The following CNTNAP2 variants were observed in gnomAD, a reference collection of about 807,000 sequenced individuals.
CNTNAP2 encodes the protein contactin-associated protein-like 2.
CNTNAP2 carries 98 observed loss-of-function variants against 155.2 expected under a neutral mutation model. The ratio of observed to expected loss-of-function variants is 0.63; its 90% confidence interval spans 0.54 to 0.75. The LOEUF is 0.75. Among genes scored for constraint, CNTNAP2 ranks in the 30% least tolerant of loss-of-function variants. The probability of loss-of-function intolerance (pLI) is 0.00; values close to 1 mark genes in which losing one functional copy is unlikely to be tolerated. For synonymous variants in CNTNAP2, 651 were observed against 631.2 expected, an observed-to-expected ratio of 1.03 and a Z score of -0.47; for missense variants, 1,727 against 1,688.1, an observed-to-expected ratio of 1.02 and a Z score of -0.40.
At chr7:146,416,891 AAATAC>A (rs1182829709) in intron 1 of CNTNAP2, among the ~76,000 whole-genome samples, 2 of 152,148 alleles carry the variant, frequency 1.3e-5, no homozygotes, top group South Asian at 2.1e-4. Context: ...TATGCACTAA[AAATAC>A]AATACAATAA....
chr7:146,265,164 CAT>C lies in CNTNAP2; in HGVS notation c.97+148194_97+148195del, dbSNP rs753438394. On this transcript the variant is annotated intron_variant, in intron 1 of 23. Coordinates refer to ENST00000361727, the MANE Select transcript of CNTNAP2 (RefSeq NM_014141.6). ...TATAACGCTCGTATTACATATATCT[CAT>C]ATTACCATGTTATATAACTATCATA... 9.9e-4 allele frequency among the ~76,000 whole-genome samples: 150 copies of C among 152,248 alleles called. 1 individual carries two copies. In the Middle Eastern group the frequency reaches 0.01, roughly 10 times the overall value.
At chr7:147,046,950 T>C (rs1372483633) in intron 4 of CNTNAP2, among the ~76,000 whole-genome samples, 1 of 142,890 alleles carries the variant, frequency 7.0e-6, no homozygotes, top group Non-Finnish European at 1.5e-5. Context: ...GAGAATGGCG[T>C]GAACCCGGGA....
chr7:147,919,459 C>CTTTCTTTTTTTTTTTTGTT (rs58537091), intron 14 of CNTNAP2, among the ~76,000 whole-genome samples: 1 of 51,240 alleles, frequency 2.0e-5, no homozygotes, highest in Non-Finnish European at 3.3e-5. Flanking sequence ...CTTTTTCTTT[C>CTTTCTTTTTTTTTTTTGTT]TTTTTTTTTT....
chr7:146,336,519 C>T lies in CNTNAP2; in HGVS notation c.97+219546C>T, dbSNP rs142702946. ...GCTGACATGTTCTTAGACATGATAC[C>T]GAAAGCATAATCCATAAAGGAAAAA... On this transcript the variant is annotated intron_variant, in intron 1 of 23. Transcript: ENST00000361727. 3.0e-3 allele frequency among the ~76,000 whole-genome samples: 450 copies of T among 149,170 alleles called. 3 individuals are homozygous for T. The highest frequency in any genetic ancestry group is 4.9e-3 in the Non-Finnish European group (333 of 67,790).
chr7:148,324,671 G>A (rs1015760403), intron 21 of CNTNAP2, among the ~76,000 whole-genome samples: 3 of 151,750 alleles, frequency 2.0e-5, no homozygotes, highest in Admixed American at 1.3e-4. Flanking sequence ...GGTGGCGGGT[G>A]CCTGTAATCC....
intron 1 of CNTNAP2, among the ~76,000 whole-genome samples, chr7:146,390,924 G>A (rs1428955843): frequency 1.3e-5 from 2 of 149,068 alleles, no homozygotes; most frequent in African/African-American, 4.9e-5. Context: ...AAAATTAGCC[G>A]GACACGGTGG....
intron 17 of CNTNAP2, 72 bp from the exon 18 acceptor site, chr7:148,172,170 G>A: frequency 6.8e-7 from 1 of 1,460,274 alleles, no homozygotes; most frequent in South Asian, 1.1e-5. Flanking sequence ...TACCACAGTT[G>A]TTCAAAATAT....
At chr7:147,158,115 C>T (rs1257740246) in intron 8 of CNTNAP2, among the ~76,000 whole-genome samples, 1 of 152,056 alleles carries the variant, frequency 6.6e-6, no homozygotes, top group African/African-American at 2.4e-5. Flanking sequence ...CTGACATTGT[C>T]TTCTGTTTCC....
At chr7:148,165,476 T>C (rs1467945959) in intron 17 of CNTNAP2, among the ~76,000 whole-genome samples, 1 of 152,204 alleles carries the variant, frequency 6.6e-6, no homozygotes, top group Non-Finnish European at 1.5e-5. Context: ...ATCTCAGCCA[T>C]ATTTAATTTA....
intron 1 of CNTNAP2, among the ~76,000 whole-genome samples, chr7:146,387,643 A>C (rs893353030): frequency 1.3e-5 from 2 of 152,292 alleles, no homozygotes; most frequent in South Asian, 4.1e-4. Flanking sequence ...ACCCTACTGC[A>C]TAGTAGATGG....
intron 13 of CNTNAP2, among the ~76,000 whole-genome samples, chr7:147,882,694 T>G (rs567356281): frequency 6.6e-6 from 1 of 152,304 alleles, no homozygotes; most frequent in East Asian, 1.9e-4. Context: ...GGTTATGCCA[T>G]GTACCTCTAT....
At chr7:148,214,331 T>C (rs1795600883) in intron 18 of CNTNAP2, among the ~76,000 whole-genome samples, 3 of 152,176 alleles carry the variant, frequency 2.0e-5, no homozygotes, top group Admixed American at 6.5e-5. Context: ...GGGGTTCTCA[T>C]CACATAGCTG....
intron 9 of CNTNAP2, among the ~76,000 whole-genome samples, chr7:147,313,754 T>C (rs1051256465): frequency 1.3e-5 from 2 of 152,136 alleles, no homozygotes; most frequent in South Asian, 2.1e-4. Flanking sequence ...GGGCTCTTTT[T>C]TGGTTCCATA....
chr7:146,399,678 A>T (rs1043127516), intron 1 of CNTNAP2, among the ~76,000 whole-genome samples: 1 of 152,168 alleles, frequency 6.6e-6, no homozygotes, highest in Non-Finnish European at 1.5e-5. Context: ...TTCTTTGACT[A>T]TATACCCAGA....
At chr7:147,747,270 A>G (rs532362603) in intron 13 of CNTNAP2, among the ~76,000 whole-genome samples, 5 of 152,180 alleles carry the variant, frequency 3.3e-5, no homozygotes, top group African/African-American at 1.2e-4. Flanking sequence ...GATTTTTCTC[A>G]TCAGTCCTTT....
At chr7:147,572,097 G>T (rs1180488832) in intron 12 of CNTNAP2, among the ~76,000 whole-genome samples, 2 of 152,064 alleles carry the variant, frequency 1.3e-5, no homozygotes, top group Non-Finnish European at 2.9e-5. Context: ...TGAAAATCTC[G>T]GAACCAACTC....
rs1046502495 is a variant in CNTNAP2 at position 146,617,635 on chromosome 7, G to A, written c.98-156636G>A. ...TTTCACATCTAAAAGAACCGTTTAC[G>A]TTTTTGGCCAATTAAAATTGATACA... On this transcript the variant is annotated intron_variant, in intron 1 of 23. Transcript: ENST00000361727. 3.9e-5 allele frequency among the ~76,000 whole-genome samples: 6 copies of A among 152,218 alleles called. No individual in the cohort carries two copies. In the East Asian group the frequency reaches 1.2e-3, roughly 29 times the overall value.
chr7:146,197,734 G>T (rs1798797167), intron 1 of CNTNAP2, among the ~76,000 whole-genome samples: 1 of 151,984 alleles, frequency 6.6e-6, no homozygotes, highest in Non-Finnish European at 1.5e-5. Context: ...CTTTTTTCCA[G>T]CATTAAATTA....
intron 1 of CNTNAP2, among the ~76,000 whole-genome samples, chr7:146,461,682 C>G (rs1435991000): frequency 2.6e-5 from 4 of 152,152 alleles, no homozygotes; most frequent in Non-Finnish European, 4.4e-5. Context: ...TACCTTTTGA[C>G]TCCGTACACT....
Sources: allele counts gnomAD v4.1 joint callset (sites outside exome capture counted in the v4.1 genomes callset), GRCh38; gene constraint gnomAD v4.1.1; transcripts MANE v1.5; gene names NCBI Gene and HGNC (gene_info 2026-07-23, HGNC 2026-07-21).